ZNF81: variants seen among roughly 807,000 people sequenced by gnomAD.
The protein encoded by ZNF81 is zinc finger protein 81.
In ZNF81, 5 loss-of-function variants were observed where a neutral mutation model predicts 32.3. The observed-to-expected ratio is 0.15, with a 90% CI of 0.08 to 0.33. The LOEUF is 0.33. Ranked by LOEUF, ZNF81 falls within the 10% of genes least tolerant of loss-of-function variation. The pLI is 1.00. For missense variants in ZNF81, 379 were observed against 479.8 expected, an observed-to-expected ratio of 0.79 and a Z score of 1.96; for synonymous variants, 163 against 166.8, an observed-to-expected ratio of 0.98 and a Z score of 0.17.
In ZNF81 at chrX:47,895,376, TAAG is replaced by T. The variant is rs1209401597; in HGVS notation, c.182-464_182-462del. On this transcript the variant is annotated intron_variant, in intron 3 of 4. Transcript: ENST00000338637. ...ACAAGCATGCGTAGAGGGAAGACAA[TAAG>T]AAGATACGCAGGTAGAAGACAGACA... Among the ~76,000 whole-genome samples, 6 of 110,732 alleles carry T rather than the reference TAAG, an allele frequency of 5.4e-5. No homozygotes were observed. In the Admixed American group the frequency reaches 5.8e-4, roughly 11 times the overall value.
rs181300817 is a variant in ZNF81, at chrX:47,845,538, C to T, written c.-163-567C>T. On this transcript the variant is annotated intron_variant, in intron 1 of 4. Coordinates refer to ENST00000338637, the MANE Select transcript of ZNF81 (RefSeq NM_007137.5). ...AAACAGAACCACATTTATTTTGAAC[C>T]TACCATGGAAAAGGTATCATATGAT... Among the ~76,000 whole-genome samples, 22 of 111,940 alleles carry T rather than the reference C, an allele frequency of 2.0e-4. No individual in the cohort carries two copies. The East Asian group carries it at 5.9e-3, about 30-fold the overall frequency.
At chrX:47,869,669 G>T (rs868980592) in intron 2 of ZNF81, among the ~76,000 whole-genome samples, 5 of 109,077 alleles carry the variant, frequency 4.6e-5, no homozygotes, top group Admixed American at 9.7e-5. Flanking sequence ...TGTATTTTTT[G>T]TTTTTTTTTA....
At chrX:47,856,445 G>A (rs868962657) in intron 2 of ZNF81, among the ~76,000 whole-genome samples, 1 of 111,255 alleles carries the variant, frequency 9.0e-6, no homozygotes, top group South Asian at 3.7e-4. Flanking sequence ...CATTAAGGGG[G>A]AAAACACCAA....
At chrX:47,900,117 G>A (rs1302532786) in intron 4 of ZNF81, among the ~76,000 whole-genome samples, 13 of 111,016 alleles carry the variant, frequency 1.2e-4, no homozygotes, top group Non-Finnish European at 2.5e-4. Context: ...AAATTTATAT[G>A]GATATGCAAA....
intron 2 of ZNF81, among the ~76,000 whole-genome samples, chrX:47,853,863 A>G (rs1406617884): frequency 1.8e-5 from 2 of 112,129 alleles, no homozygotes; most frequent in African/African-American, 6.5e-5. Flanking sequence ...TTCAACTTAA[A>G]GTAACCAGCT....
rs1383093827 is a variant in ZNF81, at chrX:47,915,592, C to G, written c.946C>G (p.Leu316Val). 2.5e-6 allele frequency: 3 copies of G among 1,209,752 alleles called. No individual in the cohort carries two copies. Among genetic ancestry groups the G allele is most frequent in the Non-Finnish European group, 2.2e-6 (2 of 894,943 alleles). The change falls in exon 5 of 5, where the codon CTA becomes GTA. Residue 316 changes from leucine (L) to valine (V), a missense_variant. Leu to Val is a conservative substitution (Grantham distance 32, BLOSUM62 1). This residue lies in a region of ZNF81 where 277 missense variants were observed against 306.6 expected (regional missense o/e 0.90). Coordinates refer to ENST00000338637, the MANE Select transcript of ZNF81 (RefSeq NM_007137.5). ...KCVNVFTQKP[L>V]LSIYLRVHRD... ...TGTAAATGTTTTTACACAGAAGCCACTACTCAGTATATATCTGAGAGTTCA... is the reference window on the plus strand; with the variant it reads ...TGTAAATGTTTTTACACAGAAGCCAGTACTCAGTATATATCTGAGAGTTCA...
chrX:47,923,718 T>G lies in ZNF81; in HGVS notation c.*7086T>G, dbSNP rs1227715660. 8.9e-6 allele frequency among the ~76,000 whole-genome samples: 1 copy of G among 112,045 alleles called. No homozygotes were observed. The highest frequency in any genetic ancestry group is 1.9e-5 in the Non-Finnish European group (1 of 53,221). On this transcript the variant is annotated 3_prime_UTR_variant, in exon 5 of 5. Coordinates refer to ENST00000338637, the MANE Select transcript of ZNF81 (RefSeq NM_007137.5). ...AAAAATATCAAGCCATTGGACTAGA[T>G]TATTCTGTCGTTTGGGTTATACTGA...
At chrX:47,909,221 C>T (rs1441828677) in intron 4 of ZNF81, among the ~76,000 whole-genome samples, 5 of 112,155 alleles carry the variant, frequency 4.5e-5, no homozygotes, top group African/African-American at 1.6e-4. Flanking sequence ...GCCTATTTTA[C>T]CACATTTATG....
chrX:47,902,000 G>T (rs2058700310), intron 4 of ZNF81, among the ~76,000 whole-genome samples: 1 of 111,807 alleles, frequency 8.9e-6, no homozygotes, highest in Admixed American at 9.5e-5. Flanking sequence ...TGGGTCATCT[G>T]AAGTTTTCTT....
Position 47,918,890 on chromosome X carries a change from C to T in ZNF81, c.*2258C>T, listed in dbSNP as rs782155015. ...AGTGACTGATATGTGCCTCATGGTC[C>T]TCCTCTTTTTGAATGGGAGTGTCTA... On this transcript the variant is annotated 3_prime_UTR_variant, in exon 5 of 5. Coordinates refer to ENST00000338637, the MANE Select transcript of ZNF81 (RefSeq NM_007137.5). 1 of 147,417 alleles carries T rather than the reference C, an allele frequency of 6.8e-6. No homozygotes were observed. The highest frequency in any genetic ancestry group is 3.1e-5 in the African/African-American group (1 of 31,914). The allele number at this position is 147,417 out of a possible 1,213,427, so 12.1% of individuals were successfully genotyped here. A position where few individuals can be genotyped will look rare whatever the true frequency, so the allele number is the denominator to read the frequency against.
intron 2 of ZNF81, among the ~76,000 whole-genome samples, chrX:47,868,355 C>G (rs1034067790): frequency 2.2e-4 from 24 of 111,472 alleles, no homozygotes; most frequent in Non-Finnish European, 1.9e-5. Flanking sequence ...ATTCTTCTGT[C>G]TCTTCTGGTA....
chrX:47,840,061 A>T (rs1405685562), intron 1 of ZNF81, among the ~76,000 whole-genome samples: 1 of 109,308 alleles, frequency 9.1e-6, no homozygotes, highest in African/African-American at 3.3e-5. Flanking sequence ...TGGCTGCAGG[A>T]TCTGCAGTTA....
In ZNF81 at chrX:47,843,432, T is replaced by TACAC. The variant is rs782116296; in HGVS notation, c.-163-2643_-163-2640dup. 2.1e-3 allele frequency among the ~76,000 whole-genome samples: 201 copies of TACAC among 96,878 alleles called. 1 individual carries two copies. The highest frequency in any genetic ancestry group is 5.6e-3 in the African/African-American group (150 of 26,675). The allele number at this position is 96,878 out of a possible 115,157, so 84.1% of individuals were successfully genotyped here. ...AATTATCTTATGTTATTCCTATATC[T>TACAC]ACACACACACACACACACACACACA... On this transcript the variant is annotated intron_variant, in intron 1 of 4. Transcript: ENST00000338637.
At chrX:47,838,935 C>T (rs1189804694) in intron 1 of ZNF81, among the ~76,000 whole-genome samples, 2 of 111,428 alleles carry the variant, frequency 1.8e-5, no homozygotes, top group African/African-American at 6.5e-5. Context: ...TCCAGGCACA[C>T]GCCACCACAC....
chrX:47,905,461 ATGATGAAAGTT>A (rs1237607439), intron 4 of ZNF81, among the ~76,000 whole-genome samples: 2 of 106,951 alleles, frequency 1.9e-5, no homozygotes, highest in Non-Finnish European at 3.9e-5. Context: ...CTGAAGCACT[ATGATGAAAGTT>A]TCTTATTTTA....
chrX:47,854,261 C>T (rs73632357), intron 2 of ZNF81, among the ~76,000 whole-genome samples: 1,129 of 112,572 alleles, frequency 0.01, 14 homozygotes, highest in African/African-American at 0.035. Flanking sequence ...AGGTCTTGTG[C>T]TTTTGAGTAG....
intron 4 of ZNF81, among the ~76,000 whole-genome samples, chrX:47,914,256 G>A (rs1222014392): frequency 1.8e-5 from 2 of 111,483 alleles, no homozygotes; most frequent in East Asian, 5.6e-4. Flanking sequence ...TAACTGTCAT[G>A]AGCTTCACTT....
At chrX:47,842,384 G>T (rs1340472102) in intron 1 of ZNF81, among the ~76,000 whole-genome samples, 1 of 110,886 alleles carries the variant, frequency 9.0e-6, no homozygotes, top group African/African-American at 3.3e-5. Context: ...TTGTTTTGGC[G>T]GGGGGAGTCT....
At chrX:47,896,126 A>G (rs1556887212) in intron 4 of ZNF81, among the ~76,000 whole-genome samples, 186 bp downstream of exon 4, 1 of 111,326 alleles carries the variant, frequency 9.0e-6, no homozygotes, top group Non-Finnish European at 1.9e-5. Flanking sequence ...TACTGTTATC[A>G]CCTGTCTTCT....
Sources: gnomAD v4.1 joint callset for allele counts (sites outside exome capture counted in the v4.1 genomes callset) on GRCh38, gnomAD v4.1.1 for gene constraint, gnomAD v4.1.1 regional missense constraint, MANE v1.5 for transcripts, NCBI Gene and HGNC (gene_info 2026-07-23, HGNC 2026-07-21) for gene names.